SPMIP5: variants seen among roughly 807,000 people sequenced by gnomAD.
The protein encoded by SPMIP5 is sperm-associated microtubule inner protein 5.
the SPMIP5 span, chr10:116,664,205 C>T: frequency 2.5e-6 from 4 of 1,613,884 alleles, no homozygotes; most frequent in African/African-American, 4.0e-5. Flanking sequence ...ATTTTGGCAG[C>T]AGCTCTTCAT....
At chr10:116,663,708 G>A in the SPMIP5 span, 2 of 574,490 alleles carry the variant, frequency 3.5e-6, no homozygotes, top group South Asian at 2.8e-5. Flanking sequence ...CGGAGAAGCA[G>A]CCTCTTTATT....
the SPMIP5 span, chr10:116,665,341 G>A: frequency 2.7e-6 from 1 of 366,468 alleles, no homozygotes. Context: ...GGAGGCAGAG[G>A]TTGCAGTGAG....
the SPMIP5 span, chr10:116,665,555 G>A: frequency 1.2e-5 from 19 of 1,540,336 alleles, no homozygotes; most frequent in Admixed American, 1.8e-5. Context: ...TGGCCTATGA[G>A]AATCTGCAGG....
the SPMIP5 span, chr10:116,664,063 A>T: frequency 1.9e-6 from 3 of 1,605,616 alleles, no homozygotes; most frequent in Non-Finnish European, 2.6e-6. Context: ...TAGGAGAGGA[A>T]CCGTCCGTGT....
At chr10:116,663,923 T>A in the SPMIP5 span, 5 of 1,536,798 alleles carry the variant, frequency 3.3e-6, no homozygotes, top group Non-Finnish European at 4.4e-6. Context: ...TCTGCATACT[T>A]TGCGGAGGAC....
the SPMIP5 span, chr10:116,668,213 C>T: frequency 1.8e-5 from 29 of 1,576,996 alleles, no homozygotes; most frequent in Middle Eastern, 1.7e-4. Flanking sequence ...GACCAGGACC[C>T]GGGTTCCCCT....
the SPMIP5 span, among the ~76,000 whole-genome samples, chr10:116,662,382 G>C: frequency 4.6e-5 from 7 of 152,164 alleles, no homozygotes; most frequent in Non-Finnish European, 1.0e-4. Context: ...TCAGGCCAAG[G>C]TGACAGGTCC....
the SPMIP5 span, among the ~76,000 whole-genome samples, chr10:116,665,997 C>T: frequency 3.3e-5 from 5 of 152,284 alleles, no homozygotes; most frequent in Admixed American, 1.3e-4. Flanking sequence ...GTTTCCACTG[C>T]GGCTGGGCCC....
chr10:116,662,870 G>A, the SPMIP5 span, among the ~76,000 whole-genome samples: 2 of 152,150 alleles, frequency 1.3e-5, no homozygotes, highest in Non-Finnish European at 2.9e-5. Context: ...GATCCAGTGC[G>A]ACTGGTGTCC....
At chr10:116,668,117 T>C in the SPMIP5 span, 23 of 787,786 alleles carry the variant, frequency 2.9e-5, no homozygotes, top group Middle Eastern at 3.7e-4. Flanking sequence ...GATGGAATGC[T>C]CTCAATGCAT....
the SPMIP5 span, among the ~76,000 whole-genome samples, chr10:116,666,872 C>T: frequency 2.0e-5 from 3 of 152,216 alleles, no homozygotes; most frequent in East Asian, 1.9e-4. Flanking sequence ...TATCGAGTCT[C>T]GCTAAGGACC....
the SPMIP5 span, chr10:116,663,931 G>A: frequency 6.5e-7 from 1 of 1,537,066 alleles, no homozygotes; most frequent in Non-Finnish European, 8.7e-7. Context: ...CTTTGCGGAG[G>A]ACAGTGGCTC....
the SPMIP5 span, chr10:116,665,129 G>A: frequency 7.3e-7 from 1 of 1,375,084 alleles, no homozygotes; most frequent in East Asian, 2.8e-5. Flanking sequence ...AGCCTCTGTG[G>A]CTCATGCCTG....
the SPMIP5 span, chr10:116,670,141 C>T: frequency 6.6e-6 from 1 of 152,340 alleles, no homozygotes; most frequent in African/African-American, 2.4e-5. Flanking sequence ...TAAAGTCGGG[C>T]ATCTGCGCAG....
the SPMIP5 span, chr10:116,668,327 T>A: frequency 1.2e-6 from 2 of 1,605,500 alleles, no homozygotes; most frequent in Non-Finnish European, 1.7e-6. Context: ...TCGCTCTCTG[T>A]TAGTGGAGGG....
chr10:116,664,834 C>T, the SPMIP5 span: 1 of 1,614,134 alleles, frequency 6.2e-7, no homozygotes, highest in Non-Finnish European at 8.5e-7. Context: ...CAGTTTTTGG[C>T]CATGACAGTG....
At chr10:116,665,660 C>T in the SPMIP5 span, 16 of 1,613,958 alleles carry the variant, frequency 9.9e-6, no homozygotes, top group Middle Eastern at 1.6e-4. Flanking sequence ...CCTGCAGGAC[C>T]GTCTCCTCGG....
At chr10:116,666,567 G>C in the SPMIP5 span, among the ~76,000 whole-genome samples, 11 of 151,438 alleles carry the variant, frequency 7.3e-5, no homozygotes, top group African/African-American at 2.7e-4. Context: ...TTTTTGCCAT[G>C]GTCTCCAGGA....
the SPMIP5 span, among the ~76,000 whole-genome samples, chr10:116,669,765 A>G: frequency 6.6e-6 from 1 of 151,738 alleles, no homozygotes; most frequent in Non-Finnish European, 1.5e-5. Flanking sequence ...CAGGGACAGG[A>G]TATGTTGCCC....
Sources: allele counts gnomAD v4.1 joint callset (sites outside exome capture counted in the v4.1 genomes callset), GRCh38; gene constraint gnomAD v4.1.1; transcripts MANE v1.5; gene names NCBI Gene and HGNC (gene_info 2026-07-23, HGNC 2026-07-21).